The following LGMN variants were observed in gnomAD, a reference collection of about 807,000 sequenced individuals.
LGMN encodes the protein asparaginyl endopeptidase.
LGMN carries 36 observed loss-of-function variants against 56.8 expected under a neutral mutation model. The ratio of observed to expected loss-of-function variants is 0.63; its 90% CI spans 0.49 to 0.84. The LOEUF is 0.84. Ranked by LOEUF, LGMN falls within the 40% of genes least tolerant of loss-of-function variation. The pLI is 0.00. For missense variants in LGMN, 446 were observed against 556.1 expected, an observed-to-expected ratio of 0.80 and a Z score of 1.99; for synonymous variants, 199 against 210.1, an observed-to-expected ratio of 0.95 and a Z score of 0.46.
At chr14:92,727,189 G>C (rs1890782819) in intron 2 of LGMN, among the ~76,000 whole-genome samples, 1 of 75,418 alleles carries the variant, frequency 1.3e-5, no homozygotes, top group Admixed American at 1.2e-4. Flanking sequence ...GCAGCACTTT[G>C]GGAGCTGAGG....
intron 11 of LGMN, among the ~76,000 whole-genome samples, chr14:92,707,057 A>G (rs1022764613): frequency 1.3e-5 from 2 of 152,062 alleles, no homozygotes; most frequent in Admixed American, 6.6e-5. Flanking sequence ...CTTTCCAGAC[A>G]ATGAAAAACA....
intron 1 of LGMN, among the ~76,000 whole-genome samples, chr14:92,735,982 G>T (rs1891288004): frequency 6.6e-6 from 1 of 152,130 alleles, no homozygotes; most frequent in South Asian, 2.1e-4. Context: ...AAGGGGTCCT[G>T]ATCCAGACCT....
chr14:92,730,162 G>C (rs544945953), intron 2 of LGMN, among the ~76,000 whole-genome samples: 19 of 152,312 alleles, frequency 1.2e-4, no homozygotes, highest in East Asian at 7.7e-4. Context: ...TGAGGTTAGA[G>C]GGGGAGAAGA....
rs2140208946 is a variant in LGMN, at chr14:92,709,810, G to A, written c.882C>T (p.Val294=). Residue 294 remains valine (V), a synonymous_variant, in exon 11 of 14, where the codon GTC becomes GTT. Coordinates refer to ENST00000334869, the MANE Select transcript of LGMN (RefSeq NM_005606.7). ...CAAGGTGTGTGACTGGAGGTAGGGG[G>A]ACGGGAGAACTGGCTTTGCGTTTCA... The part of the protein sequence containing the change: ...QGMKRKASSP[V]PLPPVTHLDL... The A allele has an allele frequency of 6.2e-7, 1 of 1,614,016 alleles. No individual in the cohort carries two copies. The highest frequency in any genetic ancestry group is 8.5e-7 in the Non-Finnish European group (1 of 1,179,918).
rs756259014 is a variant in LGMN at position 92,742,292 on chromosome 14, C to CTTTTTTTTTTTTT, written c.-30+6184_-30+6196dup. Among the ~76,000 whole-genome samples, 5 of 84,012 alleles carry CTTTTTTTTTTTTT rather than the reference C, an allele frequency of 6.0e-5. 2 individuals are homozygous for CTTTTTTTTTTTTT. The highest frequency in any genetic ancestry group is 6.3e-5 in the Non-Finnish European group (3 of 47,344). 55.1% of individuals were successfully genotyped at this position (84,012 alleles called of 152,430 possible). On this transcript the variant is annotated intron_variant, in intron 1 of 13. Coordinates refer to ENST00000334869, the MANE Select transcript of LGMN (RefSeq NM_005606.7). ...AAATGTCTTGCTGTTTTTTGTTTTGCTTTTTTTTTTTTTCTTTTTTTTTGA... is the reference window on the plus strand; with the variant it reads ...AAATGTCTTGCTGTTTTTTGTTTTGCTTTTTTTTTTTTTTTTTTTTTTTTTTCTTTTTTTTTGA...
chr14:92,713,971 A>G (rs1889932699), intron 6 of LGMN, 86 bp from the exon 7 acceptor site: 2 of 999,382 alleles, frequency 2.0e-6, no homozygotes, highest in South Asian at 1.3e-5. Context: ...ATGATCCTTC[A>G]TAAACTCTTT....
chr14:92,727,112 G>A lies in LGMN; in HGVS notation c.138+5537C>T, dbSNP rs561063515. Among the ~76,000 whole-genome samples the A allele has an allele frequency of 1.6e-4, 24 of 152,218 alleles. No individual in the cohort carries two copies. The Middle Eastern group carries it at 0.01, about 65-fold the overall frequency. ...AGGAGAGTGTATTTGAGGACAGTTC[G>A]TCACAACTATGATGACAGAGTAGCA... On this transcript the variant is annotated intron_variant, in intron 2 of 13. Coordinates refer to ENST00000334869, the MANE Select transcript of LGMN (RefSeq NM_005606.7).
In LGMN at chr14:92,704,141, G is replaced by A. The variant is rs753559337; in HGVS notation, c.*178C>T. 1.7e-4 allele frequency: 131 copies of A among 759,538 alleles called. No homozygotes were observed. In the East Asian group the frequency reaches 3.3e-3, roughly 19 times the overall value. The allele number at this position is 759,538 out of a possible 1,614,324, so 47.0% of individuals were successfully genotyped here. A position where few individuals can be genotyped will look rare whatever the true frequency, so the allele number is the denominator to read the frequency against. On this transcript the variant is annotated 3_prime_UTR_variant, in exon 14 of 14. Transcript: ENST00000334869. ...TTTGTAGTTTTTCAGAAAAGACTGG[G>A]GAAGCAGGTAACAGCGAGCAAGTCA...
At chr14:92,717,531 T>A (rs1890131276) in intron 3 of LGMN, 70 bp from the exon 4 acceptor site, 3 of 1,130,964 alleles carry the variant, frequency 2.7e-6, no homozygotes, top group East Asian at 2.4e-5. Flanking sequence ...CAAACACATG[T>A]ATGTTATGCG....
chr14:92,736,465 G>A (rs775829511), intron 1 of LGMN, among the ~76,000 whole-genome samples: 4 of 151,868 alleles, frequency 2.6e-5, no homozygotes, highest in South Asian at 2.1e-4. Context: ...GCGTGGTGGC[G>A]CACACCTGTA....
intron 1 of LGMN, among the ~76,000 whole-genome samples, chr14:92,733,412 C>T (rs1468153802): frequency 6.6e-6 from 1 of 151,646 alleles, no homozygotes; most frequent in African/African-American, 2.4e-5. Flanking sequence ...AAGTTTTTGA[C>T]GTAACTCAAA....
At chr14:92,705,869 C>T (rs1889403289) in intron 12 of LGMN, among the ~76,000 whole-genome samples, 1 of 152,154 alleles carries the variant, frequency 6.6e-6, no homozygotes, top group South Asian at 2.1e-4. Context: ...TTCAGGTGAG[C>T]CACCCACCTT....
At chr14:92,721,443 C>T (rs1242116) in intron 2 of LGMN, among the ~76,000 whole-genome samples, 65,757 of 152,010 alleles carry the variant, frequency 0.43, 14,295 homozygotes, top group South Asian at 0.49. Context: ...AGCCATTTCA[C>T]ATTTCTTACC....
intron 5 of LGMN, chr14:92,715,785 C>A (rs1890042910): frequency 5.7e-6 from 1 of 175,370 alleles, no homozygotes; most frequent in Non-Finnish European, 1.2e-5. Context: ...GGTGGCCCTG[C>A]AATCTGGGCA....
chr14:92,718,584 A>AT (rs913565385), intron 3 of LGMN, among the ~76,000 whole-genome samples, 163 bp downstream of exon 3: 38 of 150,664 alleles, frequency 2.5e-4, no homozygotes, highest in African/African-American at 9.2e-4. Context: ...ATAAATAATA[A>AT]TAAAAAAAAA....
chr14:92,746,294 A>C (rs1379294443), intron 1 of LGMN, among the ~76,000 whole-genome samples: 1 of 152,214 alleles, frequency 6.6e-6, no homozygotes, highest in African/African-American at 2.4e-5. Flanking sequence ...CGATACCCTC[A>C]GTACATGTGA....
rs1595535197 is a variant in LGMN, at chr14:92,715,674, G to A, written c.404+462C>T. The A allele has an allele frequency of 5.2e-5, 8 of 153,020 alleles. 1 individual carries two copies. The highest frequency in any genetic ancestry group is 5.2e-4 in the Admixed American group (8 of 15,428). 9.5% of individuals were successfully genotyped at this position (153,020 alleles called of 1,614,324 possible). A position where few individuals can be genotyped will look rare whatever the true frequency, so the allele number is the denominator to read the frequency against. On this transcript the variant is annotated intron_variant, in intron 5 of 13. Coordinates refer to ENST00000334869, the MANE Select transcript of LGMN (RefSeq NM_005606.7). ...CACAGCCAGTGGGGGTAAGCACTGG[G>A]GTTCGTGTTCCCCAATATGAAAGTC...
In LGMN at chr14:92,716,131, A is replaced by C; in HGVS notation, c.404+5T>G. On this transcript the variant is annotated splice_donor_5th_base_variant and intron_variant, in intron 5 of 13. Transcript: ENST00000334869. ...AGAAGTGTAGTATCCGTAAACAGAC[A>C]TTACCTCTTCAGGACTTTGCCGGAT... The C allele has an allele frequency of 6.3e-7, 1 of 1,598,564 alleles. No individual in the cohort carries two copies. The highest frequency in any genetic ancestry group is 8.6e-7 in the Non-Finnish European group (1 of 1,168,226).
intron 4 of LGMN, among the ~76,000 whole-genome samples, chr14:92,716,563 G>A (rs900119909): frequency 6.6e-6 from 1 of 152,190 alleles, no homozygotes; most frequent in Non-Finnish European, 1.5e-5. Context: ...AACCCGGGAA[G>A]CGGAGGTTGC....
Sources: gnomAD v4.1 joint callset for allele counts (sites outside exome capture counted in the v4.1 genomes callset) on GRCh38, gnomAD v4.1.1 for gene constraint, MANE v1.5 for transcripts, NCBI Gene and HGNC (gene_info 2026-07-23, HGNC 2026-07-21) for gene names.